The following COX7B2 variants were observed in gnomAD, a reference collection of about 807,000 sequenced individuals.
COX7B2 encodes the protein cytochrome c oxidase subunit 7B2.
For missense variants in COX7B2, 109 were observed against 95.9 expected (o/e 1.14, Z -0.57); for synonymous variants, 37 against 32.1 (o/e 1.15, Z -0.51).
At chr4:46,755,591 C>G (rs1403464794) in intron 2 of COX7B2, among the ~76,000 whole-genome samples, 1 of 151,958 alleles carries the variant, frequency 6.6e-6, no homozygotes, top group Non-Finnish European at 1.5e-5. Context: ...AAAAAATTCT[C>G]AGATTTGACA....
chr4:46,853,492 C>T (rs1437135032), intron 1 of COX7B2, among the ~76,000 whole-genome samples: 4 of 152,062 alleles, frequency 2.6e-5, no homozygotes, highest in Non-Finnish European at 5.9e-5. Flanking sequence ...AGTCAACACT[C>T]CTGTAAAAAC....
rs202078044 is a variant in COX7B2 at position 46,848,053 on chromosome 4, A to AT, written c.-104-3040dup. 7.7e-3 allele frequency among the ~76,000 whole-genome samples: 1,172 copies of AT among 152,068 alleles called. 17 individuals carry two copies. The highest frequency in any genetic ancestry group is 0.027 in the African/African-American group (1,129 of 41,522). Reference sequence around the variant, plus strand: ...TTTTACATATAAAGATTTACAGCTGATTTATCACAGATGAATTTTTTGGGG... The same window carrying AT: ...TTTTACATATAAAGATTTACAGCTGATTTTATCACAGATGAATTTTTTGGGG... On this transcript the variant is annotated intron_variant, in intron 1 of 2. Coordinates refer to ENST00000355591, the MANE Select transcript of COX7B2 (RefSeq NM_130902.3).
At chr4:46,873,272 C>T (rs918950354) in intron 1 of COX7B2, among the ~76,000 whole-genome samples, 1 of 151,912 alleles carries the variant, frequency 6.6e-6, no homozygotes. Context: ...TGAATAGTGC[C>T]GCAATAAACA....
At chr4:46,872,771 C>G (rs2203139) in intron 1 of COX7B2, among the ~76,000 whole-genome samples, 1 of 151,930 alleles carries the variant, frequency 6.6e-6, no homozygotes, top group Non-Finnish European at 1.5e-5. Flanking sequence ...CCTAACTTCC[C>G]TCATCCACAA....
chr4:46,899,989 A>G (rs1719987714), intron 1 of COX7B2, among the ~76,000 whole-genome samples: 1 of 152,194 alleles, frequency 6.6e-6, no homozygotes, highest in African/African-American at 2.4e-5. Flanking sequence ...TATTCACTAT[A>G]TAGTCAGAAA....
At chr4:46,832,269 C>A (rs1715189671) in intron 2 of COX7B2, among the ~76,000 whole-genome samples, 1 of 152,154 alleles carries the variant, frequency 6.6e-6, no homozygotes, top group Non-Finnish European at 1.5e-5. Context: ...AGACCACGAA[C>A]CCACCAGAAG....
chr4:46,780,924 C>A lies in COX7B2; in HGVS notation c.-49-45683G>T, dbSNP rs140694472. On this transcript the variant is annotated intron_variant, in intron 2 of 2. Coordinates refer to ENST00000355591, the MANE Select transcript of COX7B2 (RefSeq NM_130902.3). ...CATAAGTCAATGTCTTACTTTACTGCACTTCACAAATCATTAACATTTATC... is the reference window on the plus strand; with the variant it reads ...CATAAGTCAATGTCTTACTTTACTGAACTTCACAAATCATTAACATTTATC... Among the ~76,000 whole-genome samples the A allele has an allele frequency of 2.7e-3, 417 of 152,304 alleles. 2 individuals carry two copies. Among genetic ancestry groups the A allele is most frequent in the African/African-American group, 9.6e-3 (400 of 41,562 alleles).
intron 2 of COX7B2, among the ~76,000 whole-genome samples, chr4:46,749,086 A>C (rs28728251): frequency 0.34 from 51,174 of 151,828 alleles, 8,817 homozygotes; most frequent in South Asian, 0.47. Flanking sequence ...TCAATGTTTC[A>C]TCCTTTATGA....
chr4:46,888,589 G>A (rs561314283), intron 1 of COX7B2, among the ~76,000 whole-genome samples: 21 of 151,764 alleles, frequency 1.4e-4, no homozygotes, highest in South Asian at 4.2e-4. Flanking sequence ...GACTACAGGC[G>A]CCCACCACCA....
intron 1 of COX7B2, among the ~76,000 whole-genome samples, chr4:46,849,122 A>G (rs189988357): frequency 6.6e-6 from 1 of 152,172 alleles, no homozygotes; most frequent in Non-Finnish European, 1.5e-5. Flanking sequence ...AAATCCATGG[A>G]TATGGAGGGC....
At chr4:46,836,242 C>A (rs12503660) in intron 2 of COX7B2, among the ~76,000 whole-genome samples, 56,610 of 151,900 alleles carry the variant, frequency 0.37, 10,673 homozygotes, top group South Asian at 0.49. Context: ...TTACTTTTTT[C>A]ACTTTATTGA....
At chr4:46,848,605 A>G (rs148806438) in intron 1 of COX7B2, among the ~76,000 whole-genome samples, 209 of 152,160 alleles carry the variant, frequency 1.4e-3, no homozygotes, top group African/African-American at 4.8e-3. Flanking sequence ...CATTCACTCA[A>G]TGAAGATTTA....
chr4:46,736,927 G>A (rs911917686), intron 2 of COX7B2, among the ~76,000 whole-genome samples: 1 of 152,138 alleles, frequency 6.6e-6, no homozygotes, highest in African/African-American at 2.4e-5. Flanking sequence ...AAACATCTGT[G>A]GGTAGGGTTT....
chr4:46,869,842 T>C (rs1472881432), intron 1 of COX7B2, among the ~76,000 whole-genome samples: 1 of 152,124 alleles, frequency 6.6e-6, no homozygotes, highest in Non-Finnish European at 1.5e-5. Context: ...AATCTGATGA[T>C]TATGTGTCTT....
At chr4:46,854,989 T>C (rs1482084400) in intron 1 of COX7B2, among the ~76,000 whole-genome samples, 2 of 152,152 alleles carry the variant, frequency 1.3e-5, no homozygotes, top group Non-Finnish European at 2.9e-5. Flanking sequence ...TGTAATAATG[T>C]TGTACTTTGT....
intron 2 of COX7B2, among the ~76,000 whole-genome samples, chr4:46,816,712 T>A (rs939742914): frequency 7.2e-5 from 11 of 152,218 alleles, no homozygotes; most frequent in African/African-American, 2.7e-4. Context: ...ATAAAGGAAT[T>A]ATAGTCTATG....
At chr4:46,755,198 C>T (rs1469590766) in intron 2 of COX7B2, among the ~76,000 whole-genome samples, 4 of 151,984 alleles carry the variant, frequency 2.6e-5, no homozygotes, top group Non-Finnish European at 5.9e-5. Context: ...ACATGATCAT[C>T]TCAGTAGATG....
intron 2 of COX7B2, among the ~76,000 whole-genome samples, chr4:46,746,059 T>C (rs1051656311): frequency 6.6e-6 from 1 of 152,194 alleles, no homozygotes; most frequent in Non-Finnish European, 1.5e-5. Flanking sequence ...TTAGAGCCAC[T>C]GTTGATAATG....
intron 2 of COX7B2, among the ~76,000 whole-genome samples, chr4:46,783,154 AAATTAG>A (rs1310895397): frequency 1.3e-5 from 2 of 152,248 alleles, no homozygotes; most frequent in Non-Finnish European, 2.9e-5. Context: ...ACTGTAAAGT[AAATTAG>A]AAGATGAGAG....
Sources: allele counts gnomAD v4.1 joint callset (sites outside exome capture counted in the v4.1 genomes callset), GRCh38; gene constraint gnomAD v4.1.1; transcripts MANE v1.5; gene names NCBI Gene and HGNC (gene_info 2026-07-23, HGNC 2026-07-21).